RFX4: variants seen among roughly 807,000 people sequenced by gnomAD.
The protein encoded by RFX4 is regulatory factor X4, also known as transcription factor RFX4.
RFX4 carries 10 observed loss-of-function variants against 95.0 expected under a neutral mutation model. The ratio of observed to expected loss-of-function variants is 0.11; its 90% CI spans 0.06 to 0.18. The LOEUF (loss-of-function observed/expected upper bound fraction) is 0.18. RFX4 is among the 10% of genes least tolerant of loss of function. The pLI is 1.00. For synonymous variants in RFX4, 321 were observed against 340.7 expected, an observed-to-expected ratio of 0.94 and a Z score of 0.64; for missense variants, 640 against 922.0, an observed-to-expected ratio of 0.69 and a Z score of 3.96.
Position 106,715,381 on chromosome 12 carries a change from T to G in RFX4, c.994-19T>G. 3 of 1,609,018 alleles carry G rather than the reference T, an allele frequency of 1.9e-6. No individual in the cohort carries two copies. Among genetic ancestry groups the G allele is most frequent in the Non-Finnish European group, 2.6e-6 (3 of 1,176,146 alleles). ...TTTAACAACCCATGAGCTAACGAGT[T>G]GATTGGATTGGATTATAGGCATCTC... is the stretch of plus-strand genomic sequence containing the variant. On this transcript the variant is annotated intron_variant, in intron 10 of 17. Coordinates refer to ENST00000392842, the MANE Select transcript of RFX4 (RefSeq NM_213594.3).
intron 15 of RFX4, among the ~76,000 whole-genome samples, chr12:106,744,206 G>A (rs2042854118): frequency 6.6e-6 from 1 of 152,074 alleles, no homozygotes; most frequent in East Asian, 1.9e-4. Flanking sequence ...CCATTTTCTT[G>A]TACTTATAAA....
intron 5 of RFX4, among the ~76,000 whole-genome samples, 181 bp from the exon 6 acceptor site, chr12:106,686,703 A>G (rs979173234): frequency 6.6e-6 from 1 of 152,070 alleles, no homozygotes; most frequent in Non-Finnish European, 1.5e-5. Context: ...GTTTAATTCT[A>G]TATTTCAGTG....
chr12:106,731,906 G>C (rs1205719460), intron 13 of RFX4, among the ~76,000 whole-genome samples: 1 of 152,176 alleles, frequency 6.6e-6, no homozygotes, highest in African/African-American at 2.4e-5. Flanking sequence ...AGATTCACTT[G>C]CCACAAAGTG....
At chr12:106,617,455 TA>T (rs1190444485) in intron 2 of RFX4, among the ~76,000 whole-genome samples, 1 of 152,244 alleles carries the variant, frequency 6.6e-6, no homozygotes, top group Non-Finnish European at 1.5e-5. Flanking sequence ...CAGTTAAACA[TA>T]TTTTCAATTT....
rs373429609 is a variant in RFX4, at chr12:106,642,171, C to T, written c.191+2779C>T. On this transcript the variant is annotated intron_variant, in intron 3 of 17. Coordinates refer to ENST00000392842, the MANE Select transcript of RFX4 (RefSeq NM_213594.3). The stretch of plus-strand genomic sequence containing the variant: ...GATTACAGGCATGCACCACCATACC[C>T]GGCTAATATTTTATTTTTAGTAGAG... Among the ~76,000 whole-genome samples the T allele has an allele frequency of 4.6e-5, 7 of 152,010 alleles. No individual in the cohort carries two copies. The East Asian group carries it at 5.8e-4, about 13-fold the overall frequency.
chr12:106,697,542 G>T (rs1338503092), intron 8 of RFX4, among the ~76,000 whole-genome samples: 1 of 151,016 alleles, frequency 6.6e-6, no homozygotes, highest in Non-Finnish European at 1.5e-5. Flanking sequence ...CAACAGAAAA[G>T]TTATTCTCCC....
At chr12:106,640,074 G>T (rs1441036930) in intron 3 of RFX4, among the ~76,000 whole-genome samples, 1 of 152,146 alleles carries the variant, frequency 6.6e-6, no homozygotes, top group Non-Finnish European at 1.5e-5. Flanking sequence ...AAGAGAAATG[G>T]GGAAAAGAAA....
At chr12:106,726,815 AGGTTG>A (rs2042508020) in intron 13 of RFX4, among the ~76,000 whole-genome samples, 1 of 152,166 alleles carries the variant, frequency 6.6e-6, no homozygotes, top group South Asian at 2.1e-4. Context: ...TCTGTTATCT[AGGTTG>A]GAGTGCAGTG....
chr12:106,724,501 A>G lies in RFX4; in HGVS notation c.1351+3625A>G, dbSNP rs1235251224. ...ATATTTTTAAAATATCCATGGATTA[A>G]GATTTAAAAATTTAAAGCTATGAGA... On this transcript the variant is annotated intron_variant, in intron 13 of 17. Coordinates refer to ENST00000392842, the MANE Select transcript of RFX4 (RefSeq NM_213594.3). 2.0e-5 allele frequency among the ~76,000 whole-genome samples: 3 copies of G among 152,364 alleles called. No individual in the cohort carries two copies. The East Asian group carries it at 5.8e-4, about 29-fold the overall frequency.
At chr12:106,704,377 G>C (rs185056501) in intron 8 of RFX4, among the ~76,000 whole-genome samples, 1 of 152,300 alleles carries the variant, frequency 6.6e-6, no homozygotes, top group African/African-American at 2.4e-5. Context: ...ATCAAGTGCC[G>C]TTTTCATTAA....
chr12:106,703,595 T>A (rs2042030273), intron 8 of RFX4, among the ~76,000 whole-genome samples: 1 of 152,232 alleles, frequency 6.6e-6, no homozygotes. Context: ...GTAAAACACA[T>A]CTTTATAAGA....
At chr12:106,635,253 G>T (rs1391619430) in intron 2 of RFX4, among the ~76,000 whole-genome samples, 1 of 152,204 alleles carries the variant, frequency 6.6e-6, no homozygotes, top group East Asian at 1.9e-4. Context: ...ACATGCCAGT[G>T]CAAGCTAGGT....
chr12:106,750,753 G>A lies in RFX4; in HGVS notation c.1895G>A (p.Gly632Glu). 2 of 1,611,308 alleles carry A rather than the reference G, an allele frequency of 1.2e-6. No homozygotes were observed. The highest frequency in any genetic ancestry group is 1.7e-6 in the Non-Finnish European group (2 of 1,179,132). ...PALPHDTAIS[G>E]PLHYAPYHRS... ...CTCCCTCATGACACAGCTATCTCTG[G>A]GCCACTCCACTATGCCCCTTACCAC... Residue 632 changes from glycine to glutamate, a missense_variant, in exon 17 of 18, where the codon GGG (glycine) becomes GAG (glutamate). Gly to Glu is a moderately conservative substitution (Grantham distance 98). Transcript: ENST00000392842.
intron 8 of RFX4, among the ~76,000 whole-genome samples, chr12:106,700,430 G>A (rs868074692): frequency 7.5e-5 from 10 of 132,576 alleles, no homozygotes; most frequent in Middle Eastern, 4.2e-3. Flanking sequence ...TTTTTGAGAC[G>A]GAGTCTCGCT....
At chr12:106,600,603 G>C (rs1791381981) in intron 1 of RFX4, among the ~76,000 whole-genome samples, 1 of 152,184 alleles carries the variant, frequency 6.6e-6, no homozygotes, top group African/African-American at 2.4e-5. Context: ...AGCCAGTGCA[G>C]TCCGCATCAC....
intron 10 of RFX4, 200 bp from the exon 11 acceptor site, chr12:106,715,200 G>GA (rs2042264582): frequency 3.5e-6 from 2 of 579,436 alleles, no homozygotes; most frequent in Non-Finnish European, 5.9e-6. Flanking sequence ...GAGATGTGTG[G>GA]AAAGAACCAT....
rs1485985959 is a variant in RFX4, at chr12:106,723,620, T to C, written c.1351+2744T>C. ...GACCTAGCATCAAAGCTCACTCACT[T>C]GGGCAGGGCTGGGGAGACCATGTGG... On this transcript the variant is annotated intron_variant, in intron 13 of 17. Coordinates refer to ENST00000392842, the MANE Select transcript of RFX4 (RefSeq NM_213594.3). Among the ~76,000 whole-genome samples the C allele has an allele frequency of 8.5e-5, 13 of 152,298 alleles. No individual in the cohort carries two copies. The East Asian group carries it at 2.5e-3, about 29-fold the overall frequency.
intron 14 of RFX4, among the ~76,000 whole-genome samples, 179 bp from the exon 15 acceptor site, chr12:106,732,745 G>T (rs1343071769): frequency 1.3e-5 from 2 of 152,068 alleles, no homozygotes; most frequent in East Asian, 3.9e-4. Context: ...ATTAAATAAA[G>T]TGGGCATATT....
chr12:106,647,947 A>G (rs2040780340), intron 3 of RFX4, among the ~76,000 whole-genome samples: 1 of 152,122 alleles, frequency 6.6e-6, no homozygotes, highest in African/African-American at 2.4e-5. Context: ...AGTGATCTCA[A>G]ACTCTAAAAC....
Sources: allele counts gnomAD v4.1 joint callset (sites outside exome capture counted in the v4.1 genomes callset), GRCh38; gene constraint gnomAD v4.1.1; transcripts MANE v1.5; gene names NCBI Gene and HGNC (gene_info 2026-07-23, HGNC 2026-07-21).